Variants in ZNF527 observed in about 807,000 individuals in gnomAD.
The protein encoded by ZNF527 is zinc finger protein 527.
A neutral mutation model predicts 13.5 loss-of-function variants in ZNF527; 5 were observed. The observed-to-expected ratio is 0.37, with a 90% CI of 0.19 to 0.78. ZNF527 has a LOEUF of 0.78. Ranked by LOEUF, ZNF527 falls within the 30% of genes least tolerant of loss-of-function variation. The pLI is 0.48. For synonymous variants in ZNF527, 209 were observed against 243.1 expected, an observed-to-expected ratio of 0.86 and a Z score of 1.30; for missense variants, 628 against 726.4, an observed-to-expected ratio of 0.86 and a Z score of 1.56.
chr19:37,387,276 G>C (rs2146822106), intron 4 of ZNF527, among the ~76,000 whole-genome samples: 1 of 152,252 alleles, frequency 6.6e-6, no homozygotes, highest in East Asian at 1.9e-4. Context: ...TTGGAATCCT[G>C]ATTATAGCCT....
chr19:37,375,242 TTTTCTTTCTTTCTTTCTTTC>T (rs772278647), intron 2 of ZNF527, among the ~76,000 whole-genome samples: 127 of 97,194 alleles, frequency 1.3e-3, no homozygotes, highest in African/African-American at 2.7e-3. Flanking sequence ...CCTTAGTGTA[TTTTCTTTCTTTCTTTCTTTC>T]TTTCTTTCTT....
At position 37,388,464 on chromosome 19, in the gene ZNF527, C is replaced by A. The variant is rs1468949686; in HGVS notation, c.415C>A (p.His139Asn). The A allele has an allele frequency of 8.1e-6, 13 of 1,613,992 alleles. No homozygotes were observed. The highest frequency in any genetic ancestry group is 1.3e-5 in the African/African-American group (1 of 74,916). The stretch of plus-strand genomic sequence containing the variant: ...GAAATATAAGGGTGAATTTGAGCTA[C>A]ATCAGGGAAATGCGGAGAGGCATTT... ...AWKYKGEFEL[H>N]QGNAERHFMQ... The change falls in exon 5 of 5, where the codon CAT (histidine) becomes AAT (asparagine). Residue 139 changes from histidine to asparagine, a missense_variant. His to Asn is a moderately conservative substitution (Grantham distance 68). Transcript: ENST00000436120.
intron 1 of ZNF527, among the ~76,000 whole-genome samples, chr19:37,373,803 T>C (rs1364356926): frequency 2.0e-5 from 3 of 152,098 alleles, no homozygotes; most frequent in African/African-American, 7.2e-5. Context: ...AGAAGGGGTG[T>C]ACAGTGTTTG....
In ZNF527 at chr19:37,388,902, T is replaced by G; in HGVS notation, c.853T>G (p.Cys285Gly). 6.2e-7 allele frequency: 1 copy of G among 1,614,230 alleles called. No homozygotes were observed. The highest frequency in any genetic ancestry group is 8.5e-7 in the Non-Finnish European group (1 of 1,180,032). The part of the protein sequence containing the change: ...GYDECGDAFS[C>G]YSFFTQPQRI... Reference sequence around the variant, plus strand: ...CGATGAATGTGGTGATGCCTTTAGCTGTTACTCATTCTTTACTCAACCTCA... The same window carrying G: ...CGATGAATGTGGTGATGCCTTTAGCGGTTACTCATTCTTTACTCAACCTCA... Residue 285 changes from cysteine to glycine, a missense_variant, in exon 5 of 5, where the codon TGT (cysteine) becomes GGT (glycine). By Grantham distance (159) the Cys-to-Gly change is radical (BLOSUM62 -3). This residue lies in a region of ZNF527 where 592 missense variants were observed against 678.0 expected (regional missense o/e 0.87). Coordinates refer to ENST00000436120, the MANE Select transcript of ZNF527 (RefSeq NM_032453.2).
At chr19:37,386,313 T>A (rs2040699557) in intron 4 of ZNF527, among the ~76,000 whole-genome samples, 1 of 152,062 alleles carries the variant, frequency 6.6e-6, no homozygotes, top group African/African-American at 2.4e-5. Context: ...AGCTAATTTT[T>A]GTATTTTCAG....
chr19:37,382,292 GA>G (rs1568694822), intron 4 of ZNF527, among the ~76,000 whole-genome samples: 9 of 79,652 alleles, frequency 1.1e-4, no homozygotes, highest in African/African-American at 7.0e-4. Flanking sequence ...TAGGTAGATA[GA>G]TAGATAGATA....
In ZNF527 at chr19:37,388,456, T is replaced by G; in HGVS notation, c.407T>G (p.Phe136Cys). The change falls in exon 5 of 5, where the codon TTT (phenylalanine) becomes TGT (cysteine). Residue 136 changes from phenylalanine to cysteine, a missense_variant. Phe to Cys is a radical substitution (Grantham distance 205). Transcript: ENST00000436120. ...FREAWKYKGE[F>C]ELHQGNAERH... Reference sequence around the variant, plus strand: ...GAAGCCTGGAAATATAAGGGTGAATTTGAGCTACATCAGGGAAATGCGGAG... The same window carrying G: ...GAAGCCTGGAAATATAAGGGTGAATGTGAGCTACATCAGGGAAATGCGGAG... 8 of 1,614,152 alleles carry G rather than the reference T, an allele frequency of 5.0e-6. No homozygotes were observed. The highest frequency in any genetic ancestry group is 6.8e-6 in the Non-Finnish European group (8 of 1,180,024).
In ZNF527 at chr19:37,379,432, C is replaced by A. The variant is rs1023256402; in HGVS notation, c.160+186C>A. 8.6e-6 allele frequency: 4 copies of A among 465,648 alleles called. No individual in the cohort carries two copies. The South Asian group carries it at 1.8e-4, about 21-fold the overall frequency. 28.8% of individuals were successfully genotyped at this position (465,648 alleles called of 1,614,324 possible). The stretch of plus-strand genomic sequence containing the variant: ...TTTTAATTAATTAATTTACTTTTGG[C>A]AGACATTCTGAACACATGAAGTAAT... On this transcript the variant is annotated intron_variant, in intron 3 of 4. Transcript: ENST00000436120.
Position 37,390,025 on chromosome 19 carries a change from C to T in ZNF527, c.*146C>T, listed in dbSNP as rs891844395. ...TTATTTGAAGTAGCTCAGTAGTAGA[C>T]ATCTGTTACTTTTTTTTTTTTCAGA... On this transcript the variant is annotated 3_prime_UTR_variant, in exon 5 of 5. Coordinates refer to ENST00000436120, the MANE Select transcript of ZNF527 (RefSeq NM_032453.2). 31 of 1,004,472 alleles carry T rather than the reference C, an allele frequency of 3.1e-5. No individual in the cohort carries two copies. Among genetic ancestry groups the T allele is most frequent in the Non-Finnish European group, 3.8e-5 (27 of 717,746 alleles). The allele number at this position is 1,004,472 out of a possible 1,614,324, so 62.2% of individuals were successfully genotyped here.
At chr19:37,381,867 AT>A (rs910393426) in intron 4 of ZNF527, among the ~76,000 whole-genome samples, 1 of 151,894 alleles carries the variant, frequency 6.6e-6, no homozygotes, top group Non-Finnish European at 1.5e-5. Flanking sequence ...ATATTTATGG[AT>A]TTTTTTCCTA....
chr19:37,388,899 AG>A lies in ZNF527; in HGVS notation c.851del (p.Ser284ThrfsTer144). The A allele has an allele frequency of 6.2e-7, 1 of 1,614,204 alleles. No individual in the cohort carries two copies. Among genetic ancestry groups the A allele is most frequent in the Non-Finnish European group, 8.5e-7 (1 of 1,180,040 alleles). ...ATACGATGAATGTGGTGATGCCTTT[AG>A]CTGTTACTCATTCTTTACTCAACCT... is the stretch of plus-strand genomic sequence containing the variant. ...HGYDECGDAF[S>X]CYSFFTQPQR... On this transcript the variant is annotated frameshift_variant, in exon 5 of 5. Transcript: ENST00000436120. LOFTEE classifies it low-confidence loss of function (END_TRUNC).
At chr19:37,386,125 T>C (rs1352083033) in intron 4 of ZNF527, among the ~76,000 whole-genome samples, 1 of 144,378 alleles carries the variant, frequency 6.9e-6, no homozygotes. Context: ...TAGAACTTTC[T>C]TTTCTCTTCT....
rs1453584853 is a variant in ZNF527 at position 37,391,925 on chromosome 19, T to A, written c.*2046T>A. 1 of 152,064 alleles carries A rather than the reference T, an allele frequency of 6.6e-6. No individual in the cohort carries two copies. Among genetic ancestry groups the A allele is most frequent in the Non-Finnish European group, 1.5e-5 (1 of 68,018 alleles). 9.4% of individuals were successfully genotyped at this position (152,064 alleles called of 1,614,324 possible). A position where few individuals can be genotyped will look rare whatever the true frequency, so the allele number is the denominator to read the frequency against. On this transcript the variant is annotated 3_prime_UTR_variant, in exon 5 of 5. Transcript: ENST00000436120. ...CCTGAAGAGCATCTGTAAAAACATATCAGAACAAATGAAAGAGGAAAGAAT... is the reference window on the plus strand; with the variant it reads ...CCTGAAGAGCATCTGTAAAAACATAACAGAACAAATGAAAGAGGAAAGAAT...
Position 37,389,945 on chromosome 19 carries a change from C to G in ZNF527, c.*66C>G, listed in dbSNP as rs948579830. ...AATCCTTATTAAATATTAGTGAGTT[C>G]TTTTTGGTTAGTAATTCTTTGAATG... On this transcript the variant is annotated 3_prime_UTR_variant, in exon 5 of 5. Coordinates refer to ENST00000436120, the MANE Select transcript of ZNF527 (RefSeq NM_032453.2). The G allele has an allele frequency of 7.8e-5, 116 of 1,491,220 alleles. No homozygotes were observed. The highest frequency in any genetic ancestry group is 1.0e-4 in the Non-Finnish European group (115 of 1,127,504). 92.4% of individuals were successfully genotyped at this position (1,491,220 alleles called of 1,614,324 possible).
At chr19:37,375,503 A>AG (rs2040600808) in intron 2 of ZNF527, among the ~76,000 whole-genome samples, 1 of 151,136 alleles carries the variant, frequency 6.6e-6, no homozygotes, top group East Asian at 2.0e-4. Flanking sequence ...CTGGGACTAT[A>AG]GGCACACACC....
intron 2 of ZNF527, among the ~76,000 whole-genome samples, chr19:37,375,310 C>CTTTGTTTG (rs1004812681): frequency 1.8e-5 from 1 of 55,780 alleles, no homozygotes; most frequent in African/African-American, 8.7e-5. Flanking sequence ...TTCTTTCTTT[C>CTTTGTTTG]TTTTCTTTCT....
At position 37,388,404 on chromosome 19, in the gene ZNF527, C is replaced by T; in HGVS notation, c.355C>T (p.His119Tyr). The T allele has an allele frequency of 6.2e-7, 1 of 1,614,082 alleles. No homozygotes were observed. The highest frequency in any genetic ancestry group is 8.5e-7 in the Non-Finnish European group (1 of 1,180,012). Reference sequence around the variant, plus strand: ...GATGGTAATGGAAAGGCTAGCAAGTCATGGCCTTGAATGCTCCAGTTTCAG... The same window carrying T: ...GATGGTAATGGAAAGGCTAGCAAGTTATGGCCTTGAATGCTCCAGTTTCAG... ...QEMVMERLAS[H>Y]GLECSSFREA... The change falls in exon 5 of 5, where the codon CAT becomes TAT. Residue 119 changes from histidine to tyrosine, a missense_variant. Around this residue, in one of 3 missense-constraint regions of ZNF527, gnomAD observed 592 missense variants for 678.0 expected, o/e 0.87. Transcript: ENST00000436120.
chr19:37,379,812 A>C (rs571555044), intron 3 of ZNF527: 2 of 157,820 alleles, frequency 1.3e-5, no homozygotes, highest in Admixed American at 1.2e-4. Flanking sequence ...TTTGCCGTAG[A>C]ATGGTGGTTT....
At chr19:37,381,751 C>A (rs1363484815) in intron 4 of ZNF527, among the ~76,000 whole-genome samples, 1 of 151,938 alleles carries the variant, frequency 6.6e-6, no homozygotes, top group Non-Finnish European at 1.5e-5. Context: ...GTGGTATTAA[C>A]CTAATGTTGA....
Sources: allele counts gnomAD v4.1 joint callset (sites outside exome capture counted in the v4.1 genomes callset), GRCh38; gene constraint gnomAD v4.1.1; regional missense constraint gnomAD v4.1.1; transcripts MANE v1.5; gene names NCBI Gene and HGNC (gene_info 2026-07-23, HGNC 2026-07-21).